Variants in FLT1 observed in about 807,000 individuals in gnomAD.
The protein encoded by FLT1 is vascular endothelial growth factor receptor 1.
FLT1 carries 49 observed loss-of-function variants against 156.3 expected under a neutral mutation model. That is an observed-to-expected ratio of 0.31 (90% CI 0.25 to 0.40). The LOEUF (loss-of-function observed/expected upper bound fraction) is 0.40. FLT1 is among the 10% of genes least tolerant of loss of function. The pLI is 1.00. For synonymous variants in FLT1, 594 were observed against 583.8 expected (o/e 1.02, Z -0.25); for missense variants, 1,322 against 1,637.2 (o/e 0.81, Z 3.32).
chr13:28,473,685 G>GAGAC (rs1880318183), intron 1 of FLT1, among the ~76,000 whole-genome samples: 1 of 146,568 alleles, frequency 6.8e-6, no homozygotes, highest in Admixed American at 6.9e-5. Flanking sequence ...GAGAGAGAGA[G>GAGAC]AGAGAGAGAA....
At chr13:28,377,777 T>C (rs1281775921) in intron 14 of FLT1, among the ~76,000 whole-genome samples, 2 of 152,232 alleles carry the variant, frequency 1.3e-5, no homozygotes, top group African/African-American at 2.4e-5. Context: ...TTAAACTTTA[T>C]ACATGTCTAG....
chr13:28,418,701 C>G (rs1876807848), intron 10 of FLT1, among the ~76,000 whole-genome samples: 1 of 152,122 alleles, frequency 6.6e-6, no homozygotes, highest in South Asian at 2.1e-4. Context: ...GTAGCTGGAA[C>G]CATAGGCGCA....
chr13:28,321,348 G>T, intron 23 of FLT1, 115 bp downstream of exon 23: 2 of 1,315,698 alleles, frequency 1.5e-6, no homozygotes, highest in Non-Finnish European at 2.2e-6. Context: ...TGTCTTCACA[G>T]AAAGCCAATG....
chr13:28,380,299 G>T (rs920446766), intron 14 of FLT1, among the ~76,000 whole-genome samples: 3 of 152,212 alleles, frequency 2.0e-5, no homozygotes, highest in African/African-American at 4.8e-5. Context: ...AGTCATAAAA[G>T]AGTTGGCAGT....
intron 13 of FLT1, chr13:28,388,609 G>A: frequency 9.5e-7 from 1 of 1,056,042 alleles, no homozygotes; most frequent in Non-Finnish European, 1.1e-6. Context: ...TAAAACTGGT[G>A]TGTATTTTTT....
intron 14 of FLT1, among the ~76,000 whole-genome samples, chr13:28,358,222 A>G (rs1278510146): frequency 1.3e-5 from 2 of 152,186 alleles, no homozygotes; most frequent in East Asian, 1.9e-4. Flanking sequence ...CTGAAAGCAC[A>G]TTTGTGACAT....
chr13:28,324,490 C>G (rs1566286623), intron 20 of FLT1, among the ~76,000 whole-genome samples: 1 of 152,232 alleles, frequency 6.6e-6, no homozygotes, highest in African/African-American at 2.4e-5. Flanking sequence ...TTCCCAGCCC[C>G]TGAAAAGAGA....
chr13:28,433,311 T>G (rs1267920885), intron 6 of FLT1, among the ~76,000 whole-genome samples: 1 of 152,218 alleles, frequency 6.6e-6, no homozygotes, highest in African/African-American at 2.4e-5. Context: ...AGGACAGAAT[T>G]GCTCCCCTGA....
chr13:28,406,035 T>C, intron 10 of FLT1, 141 bp from the exon 11 acceptor site: 1 of 670,042 alleles, frequency 1.5e-6, no homozygotes, highest in Non-Finnish European at 2.7e-6. Context: ...TTAGATTTTT[T>C]CCTATATTCA....
chr13:28,369,798 C>T (rs1873472645), intron 14 of FLT1, among the ~76,000 whole-genome samples: 1 of 152,180 alleles, frequency 6.6e-6, no homozygotes, highest in African/African-American at 2.4e-5. Context: ...CTAAAGGAGA[C>T]TTGATGGCAG....
chr13:28,406,102 A>G (rs1455639882), intron 10 of FLT1, among the ~76,000 whole-genome samples: 1 of 152,204 alleles, frequency 6.6e-6, no homozygotes, highest in Non-Finnish European at 1.5e-5. Context: ...AAAGCCCCAC[A>G]CTAGTGTGTC....
At chr13:28,337,316 A>G (rs1196091385) in intron 17 of FLT1, among the ~76,000 whole-genome samples, 2 of 152,190 alleles carry the variant, frequency 1.3e-5, no homozygotes, top group Non-Finnish European at 2.9e-5. Flanking sequence ...AGCTGAAACC[A>G]GATATAACCT....
At chr13:28,335,122 G>A (rs1461049023) in intron 17 of FLT1, among the ~76,000 whole-genome samples, 4 of 152,146 alleles carry the variant, frequency 2.6e-5, no homozygotes, top group Admixed American at 2.6e-4. Flanking sequence ...TTATATCAGG[G>A]AACCTCCTTT....
At chr13:28,356,228 G>A (rs927675465) in intron 15 of FLT1, among the ~76,000 whole-genome samples, 2 of 152,182 alleles carry the variant, frequency 1.3e-5, no homozygotes, top group African/African-American at 2.4e-5. Context: ...TTGTTGGGAG[G>A]ATATGGGGGA....
intron 16 of FLT1, among the ~76,000 whole-genome samples, 182 bp from the exon 17 acceptor site, chr13:28,339,482 C>T (rs184260360): frequency 4.6e-5 from 7 of 152,314 alleles, no homozygotes; most frequent in Admixed American, 1.3e-4. Flanking sequence ...TTCTATTAAA[C>T]GACTCCTTAC....
At chr13:28,406,928 G>C (rs373400006) in intron 10 of FLT1, among the ~76,000 whole-genome samples, 1 of 152,194 alleles carries the variant, frequency 6.6e-6, no homozygotes, top group South Asian at 2.1e-4. Context: ...AATGTGGTCA[G>C]AAAAACGTTC....
intron 14 of FLT1, among the ~76,000 whole-genome samples, chr13:28,373,767 G>A (rs1168852223): frequency 2.0e-5 from 3 of 152,206 alleles, no homozygotes; most frequent in Non-Finnish European, 4.4e-5. Flanking sequence ...CTTAGTTTTG[G>A]GGTTAGTGTC....
rs61172063 is a variant in FLT1, at chr13:28,418,708, C to T, written c.1436+8451G>A. Among the ~76,000 whole-genome samples the T allele has an allele frequency of 2.5e-3, 385 of 152,186 alleles. 1 individual carries two copies. Among genetic ancestry groups the T allele is most frequent in the South Asian group, 7.9e-3 (38 of 4,814 alleles). ...CCTCCTGAGTAGCTGGAACCATAGG[C>T]GCATGTCACCATGCCCAGCTAATTT... On this transcript the variant is annotated intron_variant, in intron 10 of 29. Transcript: ENST00000282397.
rs575420243 is a variant in FLT1 at position 28,485,552 on chromosome 13, T to G, written c.64+9228A>C. ...ATTTACTATAATAAGTTATTTACTG[T>G]ATTTTCTTGGCCAAACTCCAGCTTA... On this transcript the variant is annotated intron_variant, in intron 1 of 29. Transcript: ENST00000282397. Among the ~76,000 whole-genome samples the G allele has an allele frequency of 5.3e-5, 8 of 152,346 alleles. No individual in the cohort carries two copies. In the South Asian group the frequency reaches 1.7e-3, roughly 32 times the overall value.
Sources: gnomAD v4.1 joint callset for allele counts (sites outside exome capture counted in the v4.1 genomes callset) on GRCh38, gnomAD v4.1.1 for gene constraint, MANE v1.5 for transcripts, NCBI Gene and HGNC (gene_info 2026-07-23, HGNC 2026-07-21) for gene names.